The following TCF12 variants were observed in gnomAD, a reference collection of about 807,000 sequenced individuals.
TCF12 encodes the protein DNA-binding protein HTF4.
A neutral mutation model predicts 86.0 loss-of-function variants in TCF12; 45 were observed. The observed-to-expected ratio is 0.52, with a 90% CI of 0.41 to 0.67. TCF12 has a LOEUF of 0.67. Among genes scored for constraint, TCF12 ranks in the 30% least tolerant of loss-of-function variants. The probability of loss-of-function intolerance (pLI) is 0.00; values close to 1 mark genes in which losing one functional copy is unlikely to be tolerated. For synonymous variants in TCF12, 330 were observed against 299.6 expected, an observed-to-expected ratio of 1.10 and a Z score of -1.05; for missense variants, 881 against 859.9, an observed-to-expected ratio of 1.02 and a Z score of -0.31.
At chr15:57,068,494 A>G (rs1205072832) in intron 4 of TCF12, among the ~76,000 whole-genome samples, 2 of 152,192 alleles carry the variant, frequency 1.3e-5, no homozygotes, top group African/African-American at 2.4e-5. Context: ...AATAAAATCA[A>G]TTTCCCCTCT....
chr15:57,246,811 T>C (rs2059884261), intron 13 of TCF12: 2 of 327,714 alleles, frequency 6.1e-6, no homozygotes, highest in Non-Finnish European at 1.2e-5. Context: ...GCAGTAACTT[T>C]TCTGACTATG....
At chr15:57,261,987 G>T in intron 16 of TCF12, 107 bp from the exon 17 acceptor site, 1 of 649,128 alleles carries the variant, frequency 1.5e-6, no homozygotes, top group Non-Finnish European at 2.5e-6. Context: ...GCTGAAATCA[G>T]ATGAGTGACA....
intron 3 of TCF12, among the ~76,000 whole-genome samples, chr15:56,933,839 C>T (rs1335231578): frequency 6.6e-6 from 1 of 151,910 alleles, no homozygotes; most frequent in Non-Finnish European, 1.5e-5. Context: ...AATCAGGTGA[C>T]TGAGAGGAAC....
At chr15:57,061,328 C>A (rs2068443441) in intron 3 of TCF12, among the ~76,000 whole-genome samples, 1 of 152,112 alleles carries the variant, frequency 6.6e-6, no homozygotes, top group South Asian at 2.1e-4. Flanking sequence ...CATAGTGGTT[C>A]ACACCTGTGA....
chr15:57,153,583 A>G (rs777343118), intron 5 of TCF12, among the ~76,000 whole-genome samples: 1 of 152,262 alleles, frequency 6.6e-6, no homozygotes, highest in Non-Finnish European at 1.5e-5. Flanking sequence ...TGTCGGTTTT[A>G]TAAAATATGT....
At chr15:56,940,448 C>T (rs2060681906) in intron 3 of TCF12, among the ~76,000 whole-genome samples, 2 of 151,828 alleles carry the variant, frequency 1.3e-5, no homozygotes, top group Middle Eastern at 3.2e-3. Flanking sequence ...ATTGTTTCTT[C>T]TTCTTCTTTC....
chr15:56,939,208 T>TTGTATACATTGTATACAAA lies in TCF12; in HGVS notation c.148+18121_148+18139dup, dbSNP rs1220069748. Among the ~76,000 whole-genome samples the TTGTATACATTGTATACAAA allele has an allele frequency of 3.5e-4, 54 of 152,358 alleles. 1 individual carries two copies. The East Asian group carries it at 8.1e-3, about 23-fold the overall frequency. ...CCATTAAATAAAACTGTCTTTGTAT[T>TTGTATACATTGTATACAAA]TGTATACATTGTATACAAATGTATA... On this transcript the variant is annotated intron_variant, in intron 3 of 20. Coordinates refer to ENST00000333725, the MANE Select transcript of TCF12 (RefSeq NM_207037.2).
chr15:57,014,999 C>T (rs1383748175), intron 3 of TCF12, among the ~76,000 whole-genome samples: 2 of 151,732 alleles, frequency 1.3e-5, no homozygotes, highest in Admixed American at 6.6e-5. Flanking sequence ...GTTACAAGTG[C>T]CTTAAATAGT....
At chr15:57,222,771 T>C (rs1480516396) in intron 8 of TCF12, among the ~76,000 whole-genome samples, 1 of 131,388 alleles carries the variant, frequency 7.6e-6, no homozygotes. Context: ...TTTTTTTTTT[T>C]TTTTTTTTTT....
chr15:56,935,314 T>A, intron 3 of TCF12, among the ~76,000 whole-genome samples: 1 of 152,092 alleles, frequency 6.6e-6, no homozygotes, highest in Middle Eastern at 3.2e-3. Flanking sequence ...TCTCACAGTT[T>A]TGGAGGCTAA....
chr15:56,954,122 T>A (rs997459494), intron 3 of TCF12, among the ~76,000 whole-genome samples: 3 of 152,164 alleles, frequency 2.0e-5, no homozygotes, highest in Admixed American at 6.5e-5. Context: ...GTTATTTTCA[T>A]TTAGTTTAAA....
chr15:57,179,227 C>G (rs1422017757), intron 6 of TCF12, among the ~76,000 whole-genome samples: 1 of 152,150 alleles, frequency 6.6e-6, no homozygotes, highest in East Asian at 1.9e-4. Flanking sequence ...GGACTCATGC[C>G]TGTAATCCCA....
chr15:57,239,645 G>A (rs1391433321), intron 12 of TCF12, among the ~76,000 whole-genome samples: 2 of 152,066 alleles, frequency 1.3e-5, no homozygotes, highest in Non-Finnish European at 2.9e-5. Flanking sequence ...AAGATTTAAA[G>A]TGGTGTCATG....
intron 3 of TCF12, among the ~76,000 whole-genome samples, chr15:56,941,332 A>G (rs1005413253): frequency 5.3e-5 from 8 of 151,362 alleles, no homozygotes; most frequent in African/African-American, 1.9e-4. Context: ...GTGCCACTGC[A>G]CTCCAACCTG....
chr15:57,157,211 ATG>A (rs1567532741), intron 5 of TCF12, among the ~76,000 whole-genome samples: 7 of 152,172 alleles, frequency 4.6e-5, no homozygotes, highest in African/African-American at 1.7e-4. Context: ...TTTTTTAAGA[ATG>A]AGATAAACAT....
At chr15:57,146,322 A>G (rs2053361407) in intron 5 of TCF12, among the ~76,000 whole-genome samples, 1 of 152,150 alleles carries the variant, frequency 6.6e-6, no homozygotes, top group Admixed American at 6.6e-5. Flanking sequence ...AACATCTCTC[A>G]CTAATAGTAA....
rs2058216522 is a variant in TCF12, at chr15:57,213,785, C to T, written c.579+15960C>T. 2.6e-5 allele frequency among the ~76,000 whole-genome samples: 4 copies of T among 152,250 alleles called. No individual in the cohort carries two copies. In the South Asian group the frequency reaches 8.3e-4, roughly 32 times the overall value. ...CATCATGTTCACAAAAATTATTTAGCTTTACAGATGATTTTGAATGATAGC... is the reference window on the plus strand; with the variant it reads ...CATCATGTTCACAAAAATTATTTAGTTTTACAGATGATTTTGAATGATAGC... On this transcript the variant is annotated intron_variant, in intron 8 of 20. Coordinates refer to ENST00000333725, the MANE Select transcript of TCF12 (RefSeq NM_207037.2).
intron 6 of TCF12, among the ~76,000 whole-genome samples, chr15:57,183,857 G>T (rs991380167): frequency 6.6e-6 from 1 of 152,080 alleles, no homozygotes; most frequent in Non-Finnish European, 1.5e-5. Flanking sequence ...ATTTGGACTC[G>T]GGATACCTAA....
chr15:56,994,434 G>A (rs1161814903), intron 3 of TCF12, among the ~76,000 whole-genome samples: 1 of 152,030 alleles, frequency 6.6e-6, no homozygotes, highest in Non-Finnish European at 1.5e-5. Flanking sequence ...AATGGCTAAA[G>A]ACCTCACAAA....
Sources: allele counts gnomAD v4.1 joint callset (sites outside exome capture counted in the v4.1 genomes callset), GRCh38; gene constraint gnomAD v4.1.1; transcripts MANE v1.5; gene names NCBI Gene and HGNC (gene_info 2026-07-23, HGNC 2026-07-21).